Variants in AQP2 observed in about 807,000 individuals in gnomAD.
The protein encoded by AQP2 is aquaporin-2.
A neutral mutation model predicts 21.6 loss-of-function variants in AQP2; 20 were observed. That is an observed-to-expected ratio of 0.92 (90% CI 0.65 to 1.34). AQP2 has a LOEUF of 1.34. AQP2 is among the 40% of genes most tolerant of loss of function. The probability of loss-of-function intolerance (pLI) is 0.00; values close to 1 mark genes in which losing one functional copy is unlikely to be tolerated. For synonymous variants in AQP2, 168 were observed against 166.9 expected (o/e 1.01, Z -0.05); for missense variants, 325 against 363.4 (o/e 0.89, Z 0.86).
rs1386106292 is a variant in AQP2 at position 49,951,348 on chromosome 12, G to A, written c.360+158G>A. The stretch of plus-strand genomic sequence containing the variant: ...GCCAGGAACACAGCCACCATAGGAG[G>A]GTCAGGATGAAAGGAGCAATGATAC... On this transcript the variant is annotated intron_variant, in intron 1 of 3. Coordinates refer to ENST00000199280, the MANE Select transcript of AQP2 (RefSeq NM_000486.6). 2.0e-5 allele frequency among the ~76,000 whole-genome samples: 3 copies of A among 152,154 alleles called. No individual in the cohort carries two copies. The East Asian group carries it at 5.8e-4, about 29-fold the overall frequency.
chr12:49,954,601 C>G (rs1947352913), intron 2 of AQP2, 29 bp from the exon 3 acceptor site: 5 of 1,612,082 alleles, frequency 3.1e-6, no homozygotes, highest in Non-Finnish European at 3.4e-6. Context: ...CACCTCCCTT[C>G]TCTCTTTGAT....
intron 1 of AQP2, chr12:49,952,163 C>A: frequency 6.6e-6 from 1 of 152,444 alleles, no homozygotes; most frequent in East Asian, 1.9e-4. Flanking sequence ...GAGTCTCACT[C>A]TATTGCCCAG....
At chr12:49,954,392 G>C (rs1219864274) in intron 2 of AQP2, 73 bp downstream of exon 2, 1 of 1,498,420 alleles carries the variant, frequency 6.7e-7, no homozygotes, top group Admixed American at 1.9e-5. Context: ...CAGACACAGA[G>C]ACCCCAAGAG....
intron 1 of AQP2, 27 bp downstream of exon 1, chr12:49,951,217 C>T: frequency 1.9e-6 from 3 of 1,595,078 alleles, no homozygotes; most frequent in Middle Eastern, 1.7e-4. Context: ...TTGCCATCCA[C>T]AAGGGGCAGG....
chr12:49,951,506 GT>G, intron 1 of AQP2: 1 of 380,238 alleles, frequency 2.6e-6, no homozygotes, highest in Non-Finnish European at 4.7e-6. Flanking sequence ...CTCAGCAGGG[GT>G]TGGTGTCCCG....
At position 49,958,236 on chromosome 12, in the gene AQP2, G is replaced by C. The variant is rs1947387236; in HGVS notation, c.*2628G>C. 1 of 152,222 alleles carries C rather than the reference G, an allele frequency of 6.6e-6. No individual in the cohort carries two copies. Among genetic ancestry groups the C allele is most frequent in the South Asian group, 2.1e-4 (1 of 4,832 alleles). 9.4% of individuals were successfully genotyped at this position (152,222 alleles called of 1,614,324 possible). A position where few individuals can be genotyped will look rare whatever the true frequency, so the allele number is the denominator to read the frequency against. On this transcript the variant is annotated 3_prime_UTR_variant, in exon 4 of 4. Coordinates refer to ENST00000199280, the MANE Select transcript of AQP2 (RefSeq NM_000486.6). ...ATCTCCCAACCCCGTGACAAAGGTA[G>C]AGCAAATATTGTTCTTCCCATTTTA... is the stretch of plus-strand genomic sequence containing the variant.
At position 49,951,193 on chromosome 12, in the gene AQP2, G is replaced by A. The variant is rs3741559; in HGVS notation, c.360+3G>A. 298,734 of 1,600,584 alleles carry A rather than the reference G, an allele frequency of 0.19. 30,538 individuals carry two copies. Among genetic ancestry groups the A allele is most frequent in the East Asian group, 0.37 (16,361 of 44,718 alleles). ...GCGGGGACCTGGCTGTCAATGCTGTGAGTAGCCACAACTTTGCCATCCACA... is the reference window on the plus strand; with the variant it reads ...GCGGGGACCTGGCTGTCAATGCTGTAAGTAGCCACAACTTTGCCATCCACA... On this transcript the variant is annotated splice_donor_region_variant and intron_variant, in intron 1 of 3. Coordinates refer to ENST00000199280, the MANE Select transcript of AQP2 (RefSeq NM_000486.6).
chr12:49,951,475 A>G lies in AQP2; in HGVS notation c.360+285A>G, dbSNP rs1947329415. 5 of 506,422 alleles carry G rather than the reference A, an allele frequency of 9.9e-6. No homozygotes were observed. In the South Asian group the frequency reaches 1.7e-4, roughly 17 times the overall value. The allele number at this position is 506,422 out of a possible 1,614,324, so 31.4% of individuals were successfully genotyped here. On this transcript the variant is annotated intron_variant, in intron 1 of 3. Coordinates refer to ENST00000199280, the MANE Select transcript of AQP2 (RefSeq NM_000486.6). Reference sequence around the variant, plus strand: ...TTCTGTTGGACTCAACGCCTACATTACAGTGAAGACAGGGCTATACCTCAG... The same window carrying G: ...TTCTGTTGGACTCAACGCCTACATTGCAGTGAAGACAGGGCTATACCTCAG...
At chr12:49,955,271 A>T in intron 3 of AQP2, 128 bp from the exon 4 acceptor site, 1 of 1,013,160 alleles carries the variant, frequency 9.9e-7, no homozygotes, top group Non-Finnish European at 1.4e-6. Context: ...GTAATTACAT[A>T]AATAAGCATT....
rs756150514 is a variant in AQP2, at chr12:49,954,616, T to G, written c.526-14T>G. 1.9e-6 allele frequency: 3 copies of G among 1,613,946 alleles called. No homozygotes were observed. In the South Asian group the frequency reaches 3.3e-5, roughly 18 times the overall value. On this transcript the variant is annotated splice_polypyrimidine_tract_variant and intron_variant, in intron 2 of 3. Coordinates refer to ENST00000199280, the MANE Select transcript of AQP2 (RefSeq NM_000486.6). Reference sequence around the variant, plus strand: ...CACCTCCCTTCTCTCTTTGATGCCCTCCTCCCACTGCAGATCCATTACACC... The same window carrying G: ...CACCTCCCTTCTCTCTTTGATGCCCGCCTCCCACTGCAGATCCATTACACC...
In AQP2 at chr12:49,954,249, G is replaced by T. The variant is rs150344189; in HGVS notation, c.455G>T (p.Arg152Leu). The stretch of plus-strand genomic sequence containing the variant: ...TGCATCTTCGCCTCCACCGATGAGC[G>T]CCGCGGAGAGAACCCGGGCACCCCT... ...VLCIFASTDE[R>L]RGENPGTPAL... The change falls in exon 2 of 4, where the codon CGC becomes CTC. Residue 152 changes from arginine (R) to leucine (L), a missense_variant. Coordinates refer to ENST00000199280, the MANE Select transcript of AQP2 (RefSeq NM_000486.6). The T allele has an allele frequency of 1.2e-6, 2 of 1,606,848 alleles. No homozygotes were observed. Among genetic ancestry groups the T allele is most frequent in the African/African-American group, 1.3e-5 (1 of 75,028 alleles).
intron 1 of AQP2, among the ~76,000 whole-genome samples, chr12:49,953,750 C>T (rs753439241): frequency 8.5e-5 from 13 of 152,228 alleles, no homozygotes; most frequent in Admixed American, 6.5e-4. Flanking sequence ...GTCTGATGGT[C>T]TACAGACAGA....
In AQP2 at chr12:49,954,313, C is replaced by G. The variant is rs754711861; in HGVS notation, c.519C>G (p.Leu173=). 15 of 1,608,784 alleles carry G rather than the reference C, an allele frequency of 9.3e-6. No individual in the cohort carries two copies. The South Asian group carries it at 1.6e-4, about 18-fold the overall frequency. The part of the protein sequence containing the change: ...SIGFSVALGH[L]LGIHYTGCSM... ...GCTTCTCTGTGGCCCTGGGCCACCT[C>G]CTTGGGGTAGGTCATGGCCATGGGT... The change falls in exon 2 of 4, where the codon CTC becomes CTG. Residue 173 remains leucine, a synonymous_variant. Coordinates refer to ENST00000199280, the MANE Select transcript of AQP2 (RefSeq NM_000486.6).
chr12:49,953,253 G>A (rs1947342300), intron 1 of AQP2, among the ~76,000 whole-genome samples: 1 of 152,226 alleles, frequency 6.6e-6, no homozygotes, highest in Admixed American at 6.5e-5. Context: ...TCGGACCCAG[G>A]GGTGGGGGTT....
At chr12:49,951,219 A>G (rs1392810021) in intron 1 of AQP2, 29 bp downstream of exon 1, 2 of 1,593,966 alleles carry the variant, frequency 1.3e-6, no homozygotes, top group African/African-American at 2.7e-5. Context: ...GCCATCCACA[A>G]GGGGCAGGTC....
chr12:49,956,368 A>G lies in AQP2; in HGVS notation c.*760A>G, dbSNP rs369989916. ...TGCTGGAGGTAGAGAGGTGTCAACC[A>G]GAGAACAGCTCCCCTAGACATGGCC... On this transcript the variant is annotated 3_prime_UTR_variant, in exon 4 of 4. Transcript: ENST00000199280. 1 of 152,308 alleles carries G rather than the reference A, an allele frequency of 6.6e-6. No individual in the cohort carries two copies. The highest frequency in any genetic ancestry group is 1.5e-5 in the Non-Finnish European group (1 of 68,102). 9.4% of individuals were successfully genotyped at this position (152,308 alleles called of 1,614,324 possible).
Position 49,955,433 on chromosome 12 carries a change from T to G in AQP2, c.641T>G (p.Leu214Arg), listed in dbSNP as rs778177446. 2 of 1,612,760 alleles carry G rather than the reference T, an allele frequency of 1.2e-6. No homozygotes were observed. Among genetic ancestry groups the G allele is most frequent in the Non-Finnish European group, 8.5e-7 (1 of 1,179,808 alleles). The stretch of plus-strand genomic sequence containing the variant: ...ATCGGACCCCTGGTGGGCGCCATCC[T>G]GGGCTCCCTCCTCTACAACTACGTG... ...FWIGPLVGAI[L>R]GSLLYNYVLF... Residue 214 changes from leucine (L) to arginine (R), a missense_variant, in exon 4 of 4, where the codon CTG becomes CGG. Coordinates refer to ENST00000199280, the MANE Select transcript of AQP2 (RefSeq NM_000486.6).
rs559514777 is a variant in AQP2, at chr12:49,955,672, C to A, written c.*64C>A. Reference sequence around the variant, plus strand: ...TGAGGCCCGAGGCAGAAGGGCCCACCCCGTCCCTCCTCTCCCGCAGGTCTG... The same window carrying A: ...TGAGGCCCGAGGCAGAAGGGCCCACACCGTCCCTCCTCTCCCGCAGGTCTG... On this transcript the variant is annotated 3_prime_UTR_variant, in exon 4 of 4. Transcript: ENST00000199280. The A allele has an allele frequency of 8.0e-6, 12 of 1,508,436 alleles. No homozygotes were observed. The South Asian group carries it at 1.4e-4, about 18-fold the overall frequency. The allele number at this position is 1,508,436 out of a possible 1,614,324, so 93.4% of individuals were successfully genotyped here.
Position 49,955,017 on chromosome 12 carries a change from A to G in AQP2, c.606+307A>G, listed in dbSNP as rs115583576. ...AACTCTATAAGTGGTAGTATTTAGC[A>G]CTTATCTGGTGCTTAGTATGTGGTG... On this transcript the variant is annotated intron_variant, in intron 3 of 3. Transcript: ENST00000199280. 5.7e-3 allele frequency among the ~76,000 whole-genome samples: 868 copies of G among 152,320 alleles called. 10 individuals are homozygous for G. Among genetic ancestry groups the G allele is most frequent in the African/African-American group, 0.019 (809 of 41,568 alleles).
Sources: gnomAD v4.1 joint callset for allele counts (sites outside exome capture counted in the v4.1 genomes callset) on GRCh38, gnomAD v4.1.1 for gene constraint, MANE v1.5 for transcripts, NCBI Gene and HGNC (gene_info 2026-07-23, HGNC 2026-07-21) for gene names.